Variants in ENAH observed in about 807,000 individuals in gnomAD.
The protein encoded by ENAH is protein enabled homolog.
A neutral mutation model predicts 78.7 loss-of-function variants in ENAH; 23 were observed. The ratio of observed to expected loss-of-function variants is 0.29; its 90% CI spans 0.21 to 0.41. ENAH has a LOEUF of 0.41. ENAH is among the 10% of genes least tolerant of loss of function. ENAH has a pLI of 1.00. For synonymous variants in ENAH, 226 were observed against 241.0 expected (o/e 0.94, Z 0.58); for missense variants, 544 against 691.0 (o/e 0.79, Z 2.39).
intron 5 of ENAH, 132 bp downstream of exon 5, chr1:225,519,066 T>C (rs2096444626): frequency 7.4e-7 from 1 of 1,347,264 alleles, no homozygotes; most frequent in Admixed American, 2.3e-5. Context: ...TTGCTGCATA[T>C]TTATTCATAA....
At chr1:225,584,768 G>A (rs928230343) in intron 1 of ENAH, among the ~76,000 whole-genome samples, 3 of 152,116 alleles carry the variant, frequency 2.0e-5, no homozygotes, top group Non-Finnish European at 4.4e-5. Context: ...TATATGTCAT[G>A]AAAACAGTAC....
chr1:225,559,460 T>G (rs1295890724), intron 2 of ENAH, among the ~76,000 whole-genome samples: 2 of 152,230 alleles, frequency 1.3e-5, no homozygotes, highest in Non-Finnish European at 2.9e-5. Flanking sequence ...GACCTTTTTT[T>G]CTGACTGCCT....
intron 3 of ENAH, among the ~76,000 whole-genome samples, chr1:225,536,598 C>T (rs1376197922): frequency 2.0e-5 from 3 of 151,172 alleles, no homozygotes; most frequent in East Asian, 1.9e-4. Flanking sequence ...TCCCCTAAGA[C>T]TGTTATTATT....
intron 1 of ENAH, among the ~76,000 whole-genome samples, chr1:225,619,349 C>G (rs946208964): frequency 5.3e-5 from 8 of 152,088 alleles, no homozygotes; most frequent in Admixed American, 1.3e-4. Context: ...TTGAGACCAG[C>G]CTGGCCAACA....
chr1:225,601,535 A>G (rs2096931129), intron 1 of ENAH, among the ~76,000 whole-genome samples: 1 of 152,082 alleles, frequency 6.6e-6, no homozygotes, highest in South Asian at 2.1e-4. Flanking sequence ...AAAAAAAAAA[A>G]AAGAGAAGGT....
intron 12 of ENAH, 103 bp downstream of exon 12, chr1:225,500,889 G>T (rs77819119): frequency 1.9e-6 from 2 of 1,055,964 alleles, no homozygotes; most frequent in Non-Finnish European, 2.8e-6. Flanking sequence ...TAGCTCTATC[G>T]TCTTTCTAAG....
intron 2 of ENAH, among the ~76,000 whole-genome samples, chr1:225,565,884 G>T (rs1364855413): frequency 6.6e-6 from 1 of 152,148 alleles, no homozygotes; most frequent in African/African-American, 2.4e-5. Context: ...GGGGCACAGG[G>T]GAGAGACAGA....
At chr1:225,628,136 A>G (rs1658294741) in intron 1 of ENAH, among the ~76,000 whole-genome samples, 1 of 152,238 alleles carries the variant, frequency 6.6e-6, no homozygotes, top group Non-Finnish European at 1.5e-5. Flanking sequence ...GAAGCTCAGC[A>G]GAGCTGTAAA....
chr1:225,569,709 A>T (rs888187249), intron 1 of ENAH, among the ~76,000 whole-genome samples: 1 of 152,250 alleles, frequency 6.6e-6, no homozygotes, highest in African/African-American at 2.4e-5. Flanking sequence ...CAAAAAATTA[A>T]CTGGTTTTCT....
At chr1:225,628,594 AAAG>A (rs1396628109) in intron 1 of ENAH, among the ~76,000 whole-genome samples, 12 of 152,324 alleles carry the variant, frequency 7.9e-5, no homozygotes, top group East Asian at 1.9e-4. Flanking sequence ...CACAAAAATA[AAAG>A]AAGAACATTT....
intron 1 of ENAH, among the ~76,000 whole-genome samples, chr1:225,616,857 T>G (rs1282924695): frequency 6.6e-6 from 1 of 152,154 alleles, no homozygotes; most frequent in African/African-American, 2.4e-5. Flanking sequence ...CCCAACACTT[T>G]GCGAGGCTGA....
In ENAH at chr1:225,495,456, G is replaced by GTTTTTTTTT. The variant is rs33964064; in HGVS notation, c.*2310_*2318dup. ...GGAAATATAGCATGATTCAACACTGGTTTTTTTTTTTTTTTTTTTTTGTCA... is the reference window on the plus strand; with the variant it reads ...GGAAATATAGCATGATTCAACACTGGTTTTTTTTTTTTTTTTTTTTTTTTTTTTTTGTCA... On this transcript the variant is annotated 3_prime_UTR_variant, in exon 14 of 14. Transcript: ENST00000366843. 7.2e-5 allele frequency: 8 copies of GTTTTTTTTT among 110,730 alleles called. No individual in the cohort carries two copies. The highest frequency in any genetic ancestry group is 1.1e-4 in the Admixed American group (1 of 9,310). 6.9% of individuals were successfully genotyped at this position (110,730 alleles called of 1,614,324 possible). A position where few individuals can be genotyped will look rare whatever the true frequency, so the allele number is the denominator to read the frequency against.
rs1285345886 is a variant in ENAH at position 225,488,488 on chromosome 1, A to C, written c.*9287T>G. The C allele has an allele frequency of 3.9e-5, 6 of 152,172 alleles. No individual in the cohort carries two copies. In the East Asian group the frequency reaches 9.6e-4, roughly 24 times the overall value. 9.4% of individuals were successfully genotyped at this position (152,172 alleles called of 1,614,324 possible). On this transcript the variant is annotated 3_prime_UTR_variant, in exon 14 of 14. Transcript: ENST00000366843. ...TAGGGACTTTCAGGATGCTCCTATAAATACAGACTCCAGAGAGGTTTCCTC... is the reference window on the plus strand; with the variant it reads ...TAGGGACTTTCAGGATGCTCCTATACATACAGACTCCAGAGAGGTTTCCTC...
chr1:225,549,069 C>T (rs1223997406), intron 3 of ENAH, among the ~76,000 whole-genome samples: 6 of 152,000 alleles, frequency 3.9e-5, no homozygotes, highest in East Asian at 1.9e-4. Context: ...AGGCTGGTCT[C>T]GAACTCCTGG....
chr1:225,640,893 C>A (rs1172832697), intron 1 of ENAH, among the ~76,000 whole-genome samples: 1 of 130,970 alleles, frequency 7.6e-6, no homozygotes, highest in African/African-American at 2.9e-5. Context: ...CAAGTACATA[C>A]TTTTTTTTTT....
rs1413342695 is a variant in ENAH at position 225,486,865 on chromosome 1, A to T, written c.*10910T>A. 3 of 152,692 alleles carry T rather than the reference A, an allele frequency of 2.0e-5. No individual in the cohort carries two copies. Among genetic ancestry groups the T allele is most frequent in the African/African-American group, 7.2e-5 (3 of 41,476 alleles). The allele number at this position is 152,692 out of a possible 1,614,324, so 9.5% of individuals were successfully genotyped here. Reference sequence around the variant, plus strand: ...TATTTCATGTTTTTATTTCAAAAGAAAAAAGGATACCAAGAAGCAGAAGAA... The same window carrying T: ...TATTTCATGTTTTTATTTCAAAAGATAAAAGGATACCAAGAAGCAGAAGAA... On this transcript the variant is annotated 3_prime_UTR_variant, in exon 14 of 14. Coordinates refer to ENST00000366843, the MANE Select transcript of ENAH (RefSeq NM_018212.6).
intron 12 of ENAH, among the ~76,000 whole-genome samples, chr1:225,500,313 A>G (rs1033627824): frequency 2.6e-5 from 4 of 152,242 alleles, no homozygotes; most frequent in African/African-American, 9.6e-5. Flanking sequence ...GGTATTAACT[A>G]TAAGGCATAT....
intron 1 of ENAH, among the ~76,000 whole-genome samples, chr1:225,596,379 T>A (rs1021221708): frequency 6.6e-6 from 1 of 152,202 alleles, no homozygotes; most frequent in African/African-American, 2.4e-5. Context: ...GAGTCAGGAC[T>A]CAAGTTGAGT....
intron 1 of ENAH, among the ~76,000 whole-genome samples, chr1:225,598,231 T>A (rs1174809061): frequency 6.6e-6 from 1 of 152,064 alleles, no homozygotes; most frequent in Non-Finnish European, 1.5e-5. Context: ...ATTACTTTAA[T>A]CATTTGGAAA....
Sources: gnomAD v4.1 joint callset for allele counts (sites outside exome capture counted in the v4.1 genomes callset) on GRCh38, gnomAD v4.1.1 for gene constraint, MANE v1.5 for transcripts, NCBI Gene and HGNC (gene_info 2026-07-23, HGNC 2026-07-21) for gene names.